Variants in SNX31 observed in about 807,000 individuals in gnomAD.
The protein encoded by SNX31 is sorting nexin-31.
In SNX31, 58 loss-of-function variants were observed where a neutral mutation model predicts 65.4. The ratio of observed to expected loss-of-function variants is 0.89; its 90% CI spans 0.72 to 1.10. The LOEUF (loss-of-function observed/expected upper bound fraction) is 1.10. Among genes scored for constraint, SNX31 ranks in the 50% least tolerant of loss-of-function variants. The pLI is 0.00. For missense variants in SNX31, 523 were observed against 529.7 expected, an observed-to-expected ratio of 0.99 and a Z score of 0.12; for synonymous variants, 181 against 190.1, an observed-to-expected ratio of 0.95 and a Z score of 0.39.
chr8:100,623,674 A>T (rs1817853289), intron 4 of SNX31, among the ~76,000 whole-genome samples: 1 of 152,086 alleles, frequency 6.6e-6, no homozygotes, highest in African/African-American at 2.4e-5. Context: ...CCTCCACCTG[A>T]TCCCAGACCT....
Position 100,612,634 on chromosome 8 carries a change from G to GA in SNX31, c.523+360dup, listed in dbSNP as rs1197274617. On this transcript the variant is annotated intron_variant, in intron 6 of 13. Transcript: ENST00000311812. This position sits in a 1 kb window ranked among gnomAD's most constrained non-coding sequence, Gnocchi z 4.3. Reference sequence around the variant, plus strand: ...ATCCACAAATATTCCTTAACAAGGAGAAATGATGCTGTGGTGGGGCGTCCT... The same window carrying GA: ...ATCCACAAATATTCCTTAACAAGGAGAAAATGATGCTGTGGTGGGGCGTCCT... Among the ~76,000 whole-genome samples the GA allele has an allele frequency of 6.6e-6, 1 of 152,184 alleles. No individual in the cohort carries two copies. Among genetic ancestry groups the GA allele is most frequent in the Non-Finnish European group, 1.5e-5 (1 of 68,034 alleles).
rs1456615630 is a variant in SNX31 at position 100,575,870 on chromosome 8, A to G, written c.1227+1149T>C. The stretch of plus-strand genomic sequence containing the variant: ...AAATTTCTGAGGGTGGGGCTCAAGC[A>G]TTAGTTTTTAGAGCTCCCCAGGTGA... On this transcript the variant is annotated intron_variant, in intron 13 of 13. Transcript: ENST00000311812. The surrounding 1 kb of genome is among the most constrained non-coding windows in gnomAD (Gnocchi z 5.1). Among the ~76,000 whole-genome samples, 1 of 152,198 alleles carries G rather than the reference A, an allele frequency of 6.6e-6. No homozygotes were observed. Among genetic ancestry groups the G allele is most frequent in the African/African-American group, 2.4e-5 (1 of 41,444 alleles).
At chr8:100,640,556 CA>C (rs1012214273) in intron 2 of SNX31, among the ~76,000 whole-genome samples, 36 of 152,310 alleles carry the variant, frequency 2.4e-4, no homozygotes, top group Admixed American at 2.3e-3. Context: ...AGTAACTTTA[CA>C]GTGGAGAAAA....
At position 100,610,537 on chromosome 8, in the gene SNX31, G is replaced by T. The variant is rs555424012; in HGVS notation, c.611+1463C>A. Reference sequence around the variant, plus strand: ...TTACAGATAAAGAAACTGAGGCTTAGAGAGCTTGAACGACTTGGCTAGGTT... The same window carrying T: ...TTACAGATAAAGAAACTGAGGCTTATAGAGCTTGAACGACTTGGCTAGGTT... On this transcript the variant is annotated intron_variant, in intron 7 of 13. Coordinates refer to ENST00000311812, the MANE Select transcript of SNX31 (RefSeq NM_152628.4). The surrounding 1 kb of genome is among the most constrained non-coding windows in gnomAD (Gnocchi z 4.0). 6.6e-6 allele frequency among the ~76,000 whole-genome samples: 1 copy of T among 152,324 alleles called. No homozygotes were observed. Among genetic ancestry groups the T allele is most frequent in the African/African-American group, 2.4e-5 (1 of 41,580 alleles).
chr8:100,647,926 C>T lies in SNX31; in HGVS notation c.141+1348G>A, dbSNP rs562814704. ...TCAGTCACAAGTAGCTTCTTATCTT[C>T]CAGAAGTCTGAATCTATGCCATTCT... On this transcript the variant is annotated intron_variant, in intron 2 of 13. Coordinates refer to ENST00000311812, the MANE Select transcript of SNX31 (RefSeq NM_152628.4). Among the ~76,000 whole-genome samples, 7 of 152,354 alleles carry T rather than the reference C, an allele frequency of 4.6e-5. No homozygotes were observed. The South Asian group carries it at 6.2e-4, about 14-fold the overall frequency.
intron 12 of SNX31, among the ~76,000 whole-genome samples, chr8:100,581,194 G>C (rs1397701562): frequency 6.6e-6 from 1 of 151,568 alleles, no homozygotes; most frequent in Non-Finnish European, 1.5e-5. Context: ...AGCTACTTGG[G>C]AGACTGAAGT....
upstream of SNX31, among the ~76,000 whole-genome samples, chr8:100,652,242 T>C (rs879607329): frequency 8.5e-5 from 13 of 152,206 alleles, no homozygotes; most frequent in African/African-American, 2.2e-4. Context: ...CCTCCCAAAG[T>C]CGTGGGATTA....
At chr8:100,641,589 TATATATACACATAC>T (rs1399754462) in intron 2 of SNX31, among the ~76,000 whole-genome samples, 6 of 22,264 alleles carry the variant, frequency 2.7e-4, no homozygotes, top group African/African-American at 1.5e-3. Context: ...TATATATATA[TATATATACACATAC>T]ACACACACAC....
chr8:100,637,569 C>T (rs35428606), intron 2 of SNX31, among the ~76,000 whole-genome samples: 17,670 of 152,238 alleles, frequency 0.12, 1,314 homozygotes, highest in African/African-American at 0.21. Context: ...CTACCATCAC[C>T]CTGGTCCAAG....
chr8:100,658,995 T>C (rs1363886077), intron 1 of SNX31, among the ~76,000 whole-genome samples: 1 of 152,112 alleles, frequency 6.6e-6, no homozygotes, highest in Non-Finnish European at 1.5e-5. Context: ...TAGATTCATG[T>C]GGGATTCACA....
At chr8:100,584,913 C>T (rs955130692) in intron 11 of SNX31, among the ~76,000 whole-genome samples, 2 of 151,972 alleles carry the variant, frequency 1.3e-5, no homozygotes, top group South Asian at 2.1e-4. Flanking sequence ...TTAGTAGAGA[C>T]GGGGTTTCAC....
chr8:100,607,060 T>C (rs1816229984), intron 8 of SNX31, among the ~76,000 whole-genome samples: 1 of 152,062 alleles, frequency 6.6e-6, no homozygotes, highest in Non-Finnish European at 1.5e-5. Flanking sequence ...CATACTTACA[T>C]TGGCAGATGG....
upstream of SNX31, among the ~76,000 whole-genome samples, chr8:100,654,151 G>A (rs941150493): frequency 1.3e-5 from 2 of 151,804 alleles, no homozygotes; most frequent in Non-Finnish European, 2.9e-5. Context: ...GGACTACAGG[G>A]GTGCACCATC....
chr8:100,649,415 T>G, intron 1 of SNX31, 34 bp downstream of exon 1: 10 of 1,083,766 alleles, frequency 9.2e-6, no homozygotes, highest in Non-Finnish European at 1.4e-5. Flanking sequence ...ACCGGCCCCC[T>G]CCCTGCCCAC....
At chr8:100,631,364 G>A (rs62513880) in intron 3 of SNX31, among the ~76,000 whole-genome samples, 32,346 of 151,146 alleles carry the variant, frequency 0.21, 4,072 homozygotes, top group African/African-American at 0.34. Context: ...TATATCCTGC[G>A]CTTCAGCTAC....
At chr8:100,603,584 C>T (rs563313636) in intron 8 of SNX31, among the ~76,000 whole-genome samples, 152 of 150,686 alleles carry the variant, frequency 1.0e-3, no homozygotes, top group African/African-American at 1.8e-3. Flanking sequence ...TACAGGCATG[C>T]GTCACCATGC....
At position 100,618,010 on chromosome 8, in the gene SNX31, C is replaced by T. The variant is rs1055335771; in HGVS notation, c.322-280G>A. ...CAAACTCCTGACCTCAGGTGATCCA[C>T]CCTCCTTGGCCTCCCAAAGTGTTGG... On this transcript the variant is annotated intron_variant, in intron 4 of 13. Transcript: ENST00000311812. 3.3e-6 allele frequency: 3 copies of T among 898,178 alleles called. No individual in the cohort carries two copies. In the African/African-American group the frequency reaches 5.4e-5, roughly 16 times the overall value. 55.6% of individuals were successfully genotyped at this position (898,178 alleles called of 1,614,324 possible). A position where few individuals can be genotyped will look rare whatever the true frequency, so the allele number is the denominator to read the frequency against.
At position 100,600,349 on chromosome 8, in the gene SNX31, C is replaced by A; in HGVS notation, c.774G>T (p.Lys258Asn). 2 of 1,612,548 alleles carry A rather than the reference C, an allele frequency of 1.2e-6. No homozygotes were observed. Among genetic ancestry groups the A allele is most frequent in the Non-Finnish European group, 1.7e-6 (2 of 1,178,962 alleles). Residue 258 changes from lysine (K) to asparagine (N), a missense_variant and splice_region_variant, in exon 9 of 14, where the codon AAG becomes AAT. Coordinates refer to ENST00000311812, the MANE Select transcript of SNX31 (RefSeq NM_152628.4). ...EAFQKEDSQT[K>N]FLELAREVRH... ...TCTCTTGGAGCAATATTTGATTCAC[C>A]TTTGTTTGACTGTCTTCTTTCTGGA...
chr8:100,604,218 G>C lies in SNX31; in HGVS notation c.682-3777C>G, dbSNP rs1203824328. Among the ~76,000 whole-genome samples the C allele has an allele frequency of 6.6e-6, 1 of 151,782 alleles. No homozygotes were observed. Among genetic ancestry groups the C allele is most frequent in the African/African-American group, 2.4e-5 (1 of 41,316 alleles). On this transcript the variant is annotated intron_variant, in intron 8 of 13. Transcript: ENST00000311812. This position sits in a 1 kb window ranked among gnomAD's most constrained non-coding sequence, Gnocchi z 4.3. The stretch of plus-strand genomic sequence containing the variant: ...GGCTGAGAGGGGAGTATGCAGAATT[G>C]AACTTAAAAAATCAAGCATCCTAAA...
Sources: gnomAD v4.1 joint callset for allele counts (sites outside exome capture counted in the v4.1 genomes callset) on GRCh38, gnomAD v4.1.1 for gene constraint, Gnocchi (gnomAD v3.1) non-coding constraint, MANE v1.5 for transcripts, NCBI Gene and HGNC (gene_info 2026-07-23, HGNC 2026-07-21) for gene names.